The following PLEKHA7 variants were observed in gnomAD, a reference collection of about 807,000 sequenced individuals.
PLEKHA7 encodes pleckstrin homology domain-containing family A member 7.
In PLEKHA7, 104 loss-of-function variants were observed where a neutral mutation model predicts 170.0. The ratio of observed to expected loss-of-function variants is 0.61; its 90% CI spans 0.52 to 0.72. The LOEUF (loss-of-function observed/expected upper bound fraction) is 0.72, where lower values mean the gene tolerates loss of function less well. Among genes scored for constraint, PLEKHA7 ranks in the 30% least tolerant of loss-of-function variants. The pLI is 0.00. For missense variants in PLEKHA7, 1,615 were observed against 1,671.7 expected (o/e 0.97, Z 0.59); for synonymous variants, 648 against 660.8 (o/e 0.98, Z 0.30).
rs1564926359 is a variant in PLEKHA7 at position 16,800,982 on chromosome 11, A to G, written c.2401T>C (p.Phe801Leu). ...GACAGGTATCAGGTCACCTGGAAAA[A>G]AAAGGCTCTTCTGTGTTGCTCCTGC... ...TLQEQHRRAF[F>L]FQEKSQIQKD... The change falls in exon 17 of 27, where the codon TTT (phenylalanine) becomes CTT (leucine). Residue 801 changes from phenylalanine to leucine, a missense_variant. Phe to Leu is a conservative substitution (Grantham distance 22). Coordinates refer to ENST00000531066, the MANE Select transcript of PLEKHA7 (RefSeq NM_001329630.2). The G allele has an allele frequency of 2.5e-6, 4 of 1,614,136 alleles. No individual in the cohort carries two copies. Among genetic ancestry groups the G allele is most frequent in the Non-Finnish European group, 3.4e-6 (4 of 1,179,938 alleles).
At chr11:16,970,896 T>C (rs948229895) in intron 3 of PLEKHA7, among the ~76,000 whole-genome samples, 12 of 152,236 alleles carry the variant, frequency 7.9e-5, no homozygotes, top group African/African-American at 2.9e-4. Flanking sequence ...ATTTTTTCCT[T>C]CTTGGGGCTT....
intron 3 of PLEKHA7, among the ~76,000 whole-genome samples, chr11:16,980,525 G>A (rs1863360454): frequency 1.3e-5 from 2 of 152,238 alleles, no homozygotes; most frequent in South Asian, 4.1e-4. Context: ...TGCTCAGTAA[G>A]GCATGGCGGA....
intron 9 of PLEKHA7, among the ~76,000 whole-genome samples, chr11:16,835,467 T>C (rs536516621): frequency 3.3e-5 from 5 of 152,208 alleles, no homozygotes; most frequent in African/African-American, 9.6e-5. Flanking sequence ...AGTTTGTCCA[T>C]AGGAGACTCA....
chr11:16,873,728 G>A (rs1855054089), intron 3 of PLEKHA7, among the ~76,000 whole-genome samples: 4 of 152,264 alleles, frequency 2.6e-5, no homozygotes, highest in South Asian at 4.1e-4. Context: ...GTGCAATGGC[G>A]TGATCTCGGC....
chr11:16,881,427 G>C (rs930329574), intron 3 of PLEKHA7: 1 of 152,168 alleles, frequency 6.6e-6, no homozygotes, highest in Non-Finnish European at 1.5e-5. Flanking sequence ...GCCTCCCAAG[G>C]TGTTACAAAT....
intron 13 of PLEKHA7, among the ~76,000 whole-genome samples, chr11:16,806,981 C>A (rs1227257023): frequency 6.6e-6 from 1 of 152,186 alleles, no homozygotes; most frequent in African/African-American, 2.4e-5. Context: ...GTGCATCAGC[C>A]AAAATGCTGA....
intron 3 of PLEKHA7, among the ~76,000 whole-genome samples, chr11:16,875,117 C>T (rs1156654564): frequency 6.6e-6 from 1 of 152,142 alleles, no homozygotes; most frequent in Non-Finnish European, 1.5e-5. Flanking sequence ...ACTTTTTTCC[C>T]TAATATGGAT....
At chr11:16,914,816 A>C (rs1194033819) in intron 3 of PLEKHA7, among the ~76,000 whole-genome samples, 1 of 152,202 alleles carries the variant, frequency 6.6e-6, no homozygotes, top group Non-Finnish European at 1.5e-5. Context: ...AACTCCAGCC[A>C]ACTTGCCTCA....
intron 9 of PLEKHA7, among the ~76,000 whole-genome samples, chr11:16,839,468 T>G (rs1851785384): frequency 6.7e-6 from 1 of 149,878 alleles, no homozygotes; most frequent in Admixed American, 6.7e-5. Context: ...TAATTATAAA[T>G]ATATACATAT....
intron 10 of PLEKHA7, among the ~76,000 whole-genome samples, chr11:16,820,510 CCT>C (rs1412152670): frequency 6.6e-6 from 1 of 151,450 alleles, no homozygotes; most frequent in Non-Finnish European, 1.5e-5. Flanking sequence ...CACAAATGTG[CCT>C]CTGAGACGGG....
chr11:16,896,742 ACTT>A (rs2135995657), intron 3 of PLEKHA7, among the ~76,000 whole-genome samples: 1 of 152,300 alleles, frequency 6.6e-6, no homozygotes, highest in South Asian at 2.1e-4. Context: ...AAAAGGATAA[ACTT>A]CTTAAACCTG....
intron 4 of PLEKHA7, among the ~76,000 whole-genome samples, chr11:16,856,401 A>G (rs570756517): frequency 9.8e-5 from 15 of 152,360 alleles, no homozygotes; most frequent in Admixed American, 4.6e-4. Context: ...AGAATCCCTT[A>G]CATAAATGCC....
intron 9 of PLEKHA7, among the ~76,000 whole-genome samples, chr11:16,829,226 G>A (rs1410029848): frequency 6.6e-6 from 1 of 151,606 alleles, no homozygotes; most frequent in Non-Finnish European, 1.5e-5. Flanking sequence ...TGTTGCCCAG[G>A]CTGGTCTCAA....
intron 4 of PLEKHA7, among the ~76,000 whole-genome samples, chr11:16,861,503 G>A (rs1853948420): frequency 6.6e-6 from 1 of 151,978 alleles, no homozygotes; most frequent in African/African-American, 2.4e-5. Context: ...ACAAAAATTA[G>A]CCGAGAGTGG....
At chr11:16,826,099 G>A (rs1057100653) in intron 10 of PLEKHA7, 21 bp downstream of exon 10, 12 of 1,601,558 alleles carry the variant, frequency 7.5e-6, no homozygotes, top group East Asian at 2.2e-5. Flanking sequence ...TATAAGCAGC[G>A]ATCCTGAGTC....
At chr11:16,929,209 C>T (rs1352604481) in intron 3 of PLEKHA7, among the ~76,000 whole-genome samples, 1 of 152,152 alleles carries the variant, frequency 6.6e-6, no homozygotes, top group Admixed American at 6.5e-5. Flanking sequence ...GTTGGTGCCC[C>T]AACACCCAAG....
At chr11:16,938,036 G>A (rs901394374) in intron 3 of PLEKHA7, among the ~76,000 whole-genome samples, 2 of 152,144 alleles carry the variant, frequency 1.3e-5, no homozygotes, top group East Asian at 1.9e-4. Flanking sequence ...GAGTGCCTTC[G>A]TATTCTTCCC....
chr11:16,787,079 G>A, intron 23 of PLEKHA7: 4 of 985,416 alleles, frequency 4.1e-6, no homozygotes, highest in Non-Finnish European at 4.8e-6. Context: ...TATCAACTTT[G>A]TAACAAGCTT....
At chr11:16,940,649 G>T (rs958213998) in intron 3 of PLEKHA7, among the ~76,000 whole-genome samples, 2 of 152,252 alleles carry the variant, frequency 1.3e-5, no homozygotes, top group South Asian at 2.1e-4. Flanking sequence ...TCAAGAAATG[G>T]TTCCTTTAAA....
Sources: gnomAD v4.1 joint callset for allele counts (sites outside exome capture counted in the v4.1 genomes callset) on GRCh38, gnomAD v4.1.1 for gene constraint, MANE v1.5 for transcripts, NCBI Gene and HGNC (gene_info 2026-07-23, HGNC 2026-07-21) for gene names.